Variants in CCNH observed in about 807,000 individuals in gnomAD.
CCNH encodes the protein cyclin H.
CCNH carries 31 observed loss-of-function variants against 41.9 expected under a neutral mutation model. The ratio of observed to expected loss-of-function variants is 0.74; its 90% confidence interval spans 0.56 to 1.00. The LOEUF is 1.00. Among genes scored for constraint, CCNH ranks in the 50% least tolerant of loss-of-function variants. The pLI is 0.00. For synonymous variants in CCNH, 138 were observed against 136.1 expected (o/e 1.01, Z -0.10); for missense variants, 362 against 388.4 (o/e 0.93, Z 0.57).
chr5:87,391,894 A>G (rs1762553784), downstream of CCNH: 1 of 228,782 alleles, frequency 4.4e-6, no homozygotes, highest in Non-Finnish European at 8.7e-6. Context: ...TTAAGTTAAA[A>G]TAAAACCAAG....
downstream of CCNH, chr5:87,391,110 T>C (rs1762481656): frequency 1.6e-6 from 1 of 617,890 alleles, no homozygotes; most frequent in Non-Finnish European, 2.9e-6. Flanking sequence ...GGAATCAATC[T>C]TTAACAACCT....
chr5:87,338,536 A>ATTT (rs1232583853), intron 9 of CCNH, among the ~76,000 whole-genome samples: 1,516 of 85,180 alleles, frequency 0.018, 94 homozygotes, highest in African/African-American at 0.061. Context: ...TATATATAAA[A>ATTT]TTTTTTTTTT....
intron 9 of CCNH, among the ~76,000 whole-genome samples, chr5:87,329,631 A>G (rs745766185): frequency 9.9e-5 from 15 of 152,186 alleles, no homozygotes; most frequent in Non-Finnish European, 2.2e-4. Flanking sequence ...GACACTACCT[A>G]AGACATAACA....
At chr5:87,398,990 AG>A (rs1366591563) in intron 7 of CCNH, among the ~76,000 whole-genome samples, 1 of 151,924 alleles carries the variant, frequency 6.6e-6, no homozygotes, top group Non-Finnish European at 1.5e-5. Context: ...AAAAAAAAAA[AG>A]AAGTATGCCA....
chr5:87,327,690 T>C (rs1757327298), intron 9 of CCNH, among the ~76,000 whole-genome samples: 1 of 152,094 alleles, frequency 6.6e-6, no homozygotes, highest in South Asian at 2.1e-4. Flanking sequence ...TTTGGCTGGG[T>C]GCAGTGGCTC....
At chr5:87,385,209 A>C in intron 9 of CCNH, 1 of 843,486 alleles carries the variant, frequency 1.2e-6, no homozygotes, top group South Asian at 1.4e-5. Flanking sequence ...GTAGTTTAAC[A>C]GTAAAGAAAT....
At chr5:87,363,683 A>G (rs1760285865) in intron 9 of CCNH, among the ~76,000 whole-genome samples, 1 of 152,044 alleles carries the variant, frequency 6.6e-6, no homozygotes, top group South Asian at 2.1e-4. Flanking sequence ...AGTCTACTTC[A>G]TTGTGTTGCA....
At chr5:87,339,283 T>A (rs1758265166) in intron 9 of CCNH, among the ~76,000 whole-genome samples, 1 of 152,174 alleles carries the variant, frequency 6.6e-6, no homozygotes. Context: ...AATGGTGTGA[T>A]ACAGTCCATA....
chr5:87,333,869 T>C (rs1438806419), intron 9 of CCNH, among the ~76,000 whole-genome samples: 2 of 152,148 alleles, frequency 1.3e-5, no homozygotes, highest in Non-Finnish European at 2.9e-5. Context: ...TAATTCTTAC[T>C]GACACATTTT....
chr5:87,397,654 T>C (rs1763074288), intron 7 of CCNH, among the ~76,000 whole-genome samples: 1 of 152,208 alleles, frequency 6.6e-6, no homozygotes, highest in Admixed American at 6.5e-5. Flanking sequence ...CTCATAGATA[T>C]TCAGAATTTG....
At chr5:87,374,858 C>G, downstream of CCNH, 1 of 1,608,154 alleles carries the variant, frequency 6.2e-7, no homozygotes, top group Non-Finnish European at 8.5e-7. Context: ...CTCCTGACAT[C>G]AATAGATTTG....
intron 9 of CCNH, among the ~76,000 whole-genome samples, chr5:87,335,971 G>C (rs1026468403): frequency 1.3e-5 from 2 of 152,128 alleles, no homozygotes. Flanking sequence ...AGTTTTTGGT[G>C]TAATTTCATA....
intron 9 of CCNH, among the ~76,000 whole-genome samples, chr5:87,344,373 T>TA (rs773575185): frequency 3.2e-4 from 49 of 152,296 alleles, no homozygotes; most frequent in South Asian, 1.2e-3. Flanking sequence ...AATTGAATCT[T>TA]ATACTGATTC....
intron 9 of CCNH, among the ~76,000 whole-genome samples, chr5:87,345,136 G>A (rs1056432732): frequency 1.2e-4 from 19 of 152,048 alleles, no homozygotes; most frequent in African/African-American, 4.6e-4. Context: ...CAGTTCCCAC[G>A]CCTGGCCTAG....
At chr5:87,405,067 GT>G in intron 4 of CCNH, 60 bp from the exon 5 acceptor site, 1 of 1,242,830 alleles carries the variant, frequency 8.0e-7, no homozygotes, top group South Asian at 1.4e-5. Context: ...TATAACAACA[GT>G]TTAAAAATTA....
At position 87,399,513 on chromosome 5, in the gene CCNH, G is replaced by A; in HGVS notation, c.761-8C>T. On this transcript the variant is annotated splice_region_variant and splice_polypyrimidine_tract_variant and intron_variant, in intron 6 of 8. Coordinates refer to ENST00000256897, the MANE Select transcript of CCNH (RefSeq NM_001239.4). Reference sequence around the variant, plus strand: ...TTACTAAGTTTCTCATGCCTATGTGGATACAAAAAAAGAATTTAAACTGAA... The same window carrying A: ...TTACTAAGTTTCTCATGCCTATGTGAATACAAAAAAAGAATTTAAACTGAA... The A allele has an allele frequency of 6.3e-7, 1 of 1,574,860 alleles. No homozygotes were observed. Among genetic ancestry groups the A allele is most frequent in the South Asian group, 1.1e-5 (1 of 90,008 alleles).
chr5:87,359,804 T>C (rs1345727286), intron 9 of CCNH, among the ~76,000 whole-genome samples: 3 of 152,188 alleles, frequency 2.0e-5, no homozygotes, highest in South Asian at 2.1e-4. Context: ...AACAACTTCA[T>C]TGGAAAATGT....
chr5:87,377,127 A>G, exon 1 of CCNH: 2 of 1,462,022 alleles, frequency 1.4e-6, no homozygotes, highest in Non-Finnish European at 1.9e-6. Context: ...TGAATATACT[A>G]AATTGTTAAA....
chr5:87,401,675 TTTTG>T (rs1175557974), intron 6 of CCNH, 23 bp downstream of exon 6: 1 of 1,399,658 alleles, frequency 7.1e-7, no homozygotes, highest in Non-Finnish European at 9.9e-7. Flanking sequence ...GGAAGAAACA[TTTTG>T]TAAAGTGTTC....
Sources: allele counts gnomAD v4.1 joint callset (sites outside exome capture counted in the v4.1 genomes callset), GRCh38; gene constraint gnomAD v4.1.1; transcripts MANE v1.5; gene names NCBI Gene and HGNC (gene_info 2026-07-23, HGNC 2026-07-21).